The following SLC24A2 variants were observed in gnomAD, a reference collection of about 807,000 sequenced individuals.
SLC24A2 encodes sodium/potassium/calcium exchanger 2.
SLC24A2 carries 36 observed loss-of-function variants against 62.0 expected under a neutral mutation model. The observed-to-expected ratio is 0.58, with a 90% CI of 0.44 to 0.77. The LOEUF (loss-of-function observed/expected upper bound fraction) is 0.77. Among genes scored for constraint, SLC24A2 ranks in the 30% least tolerant of loss-of-function variants. SLC24A2 has a pLI of 0.00. For synonymous variants in SLC24A2, 358 were observed against 294.0 expected, an observed-to-expected ratio of 1.22 and a Z score of -2.23; for missense variants, 846 against 817.9, an observed-to-expected ratio of 1.03 and a Z score of -0.42.
chr9:19,561,325 G>GAGGT (rs1159053671), intron 7 of SLC24A2, among the ~76,000 whole-genome samples: 1 of 147,856 alleles, frequency 6.8e-6, no homozygotes, highest in Admixed American at 6.8e-5. Context: ...AAGTGAAAAA[G>GAGGT]AGGTAAGTTT....
chr9:19,820,642 A>G, the SLC24A2 span, among the ~76,000 whole-genome samples: 228 of 152,054 alleles, frequency 1.5e-3, no homozygotes, highest in Admixed American at 6.0e-3. Context: ...TACATCTGAC[A>G]CAAGGTAATG....
At chr9:20,020,715 T>C in the SLC24A2 span, among the ~76,000 whole-genome samples, 5 of 152,140 alleles carry the variant, frequency 3.3e-5, no homozygotes, top group African/African-American at 1.2e-4. Context: ...GAACTTAAAA[T>C]ATAATAAATA....
the SLC24A2 span, among the ~76,000 whole-genome samples, chr9:19,870,305 CATA>C: frequency 1.3e-5 from 2 of 152,294 alleles, no homozygotes; most frequent in East Asian, 3.9e-4. Flanking sequence ...TTTTACTTAG[CATA>C]ATGTTTTCAA....
chr9:19,940,335 CA>C, the SLC24A2 span, among the ~76,000 whole-genome samples: 17 of 152,288 alleles, frequency 1.1e-4, no homozygotes, highest in African/African-American at 3.8e-4. Flanking sequence ...ACAGAATAGT[CA>C]GGGGGTACTT....
chr9:20,094,587 A>C, the SLC24A2 span, among the ~76,000 whole-genome samples: 1 of 152,358 alleles, frequency 6.6e-6, no homozygotes, highest in Admixed American at 6.5e-5. Flanking sequence ...GTATAGCAAA[A>C]AAGAAAAATC....
chr9:20,165,564 G>T, the SLC24A2 span, among the ~76,000 whole-genome samples: 1 of 151,826 alleles, frequency 6.6e-6, no homozygotes, highest in Non-Finnish European at 1.5e-5. Context: ...AATAAATGGT[G>T]TTAAGACATT....
chr9:19,854,281 GT>G, the SLC24A2 span, among the ~76,000 whole-genome samples: 2 of 151,848 alleles, frequency 1.3e-5, no homozygotes, highest in Admixed American at 6.6e-5. Context: ...TTTTTGAAGG[GT>G]TTTTCATGTC....
chr9:20,195,295 C>T, the SLC24A2 span, among the ~76,000 whole-genome samples: 2 of 151,954 alleles, frequency 1.3e-5, no homozygotes, highest in African/African-American at 4.8e-5. Context: ...TTTCTGTGTC[C>T]CTACACTAGG....
chr9:19,695,897 C>A (rs1820177342), intron 2 of SLC24A2, among the ~76,000 whole-genome samples: 1 of 152,042 alleles, frequency 6.6e-6, no homozygotes, highest in African/African-American at 2.4e-5. Flanking sequence ...AGATACTATA[C>A]AAAGTTAACA....
upstream of SLC24A2, among the ~76,000 whole-genome samples, chr9:19,789,603 C>T (rs914413525): frequency 2.6e-5 from 4 of 152,216 alleles, no homozygotes; most frequent in African/African-American, 9.7e-5. Flanking sequence ...GAATCACTGA[C>T]AGGCTTCGGC....
At chr9:19,648,737 T>A (rs1818712504) in intron 2 of SLC24A2, among the ~76,000 whole-genome samples, 1 of 152,086 alleles carries the variant, frequency 6.6e-6, no homozygotes, top group Non-Finnish European at 1.5e-5. Flanking sequence ...CTTTTAAGAT[T>A]AAGAGGTTAG....
chr9:19,607,493 G>A (rs901003043), intron 4 of SLC24A2, among the ~76,000 whole-genome samples: 16 of 152,258 alleles, frequency 1.1e-4, no homozygotes, highest in African/African-American at 3.1e-4. Flanking sequence ...GCCAAGGCAG[G>A]TGGATAACCT....
At chr9:19,566,052 T>G (rs1008816740) in intron 7 of SLC24A2, among the ~76,000 whole-genome samples, 25 of 152,168 alleles carry the variant, frequency 1.6e-4, no homozygotes, top group African/African-American at 6.0e-4. Flanking sequence ...GACATAGGCA[T>G]GGGCAAGGAC....
the SLC24A2 span, among the ~76,000 whole-genome samples, chr9:20,230,048 A>G: frequency 6.6e-6 from 1 of 152,090 alleles, no homozygotes; most frequent in Admixed American, 6.6e-5. Context: ...CCATGTCCCT[A>G]CAAAGGACAT....
At position 19,640,999 on chromosome 9, in the gene SLC24A2, G is replaced by A. The variant is rs1168337098; in HGVS notation, c.931-18700C>T. Among the ~76,000 whole-genome samples the A allele has an allele frequency of 4.3e-4, 65 of 152,216 alleles. 1 individual carries two copies. The highest frequency in any genetic ancestry group is 4.3e-3 in the Admixed American group (65 of 15,274). On this transcript the variant is annotated intron_variant, in intron 2 of 10. Coordinates refer to ENST00000341998, the MANE Select transcript of SLC24A2 (RefSeq NM_020344.4). ...AGGATTTGATTTAAGTTATACAAGT[G>A]GGCTTTGGTTGCTGTGTAGTTTGGC...
rs12683346 is a variant in SLC24A2 at position 19,560,334 on chromosome 9, A to G, written c.1348-10066T>C. ...CCCCCAATTCATATTCCCAAACTCT[A>G]CTCTCTACACTCCTCTGTATTCAGA... On this transcript the variant is annotated intron_variant, in intron 7 of 10. Coordinates refer to ENST00000341998, the MANE Select transcript of SLC24A2 (RefSeq NM_020344.4). Among the ~76,000 whole-genome samples the G allele has an allele frequency of 7.8e-3, 942 of 121,112 alleles. 29 individuals are homozygous for G. Among genetic ancestry groups the G allele is most frequent in the East Asian group, 0.028 (97 of 3,432 alleles). 79.5% of individuals were successfully genotyped at this position (121,112 alleles called of 152,430 possible).
chr9:19,550,580 C>T lies in SLC24A2; in HGVS notation c.1348-312G>A, dbSNP rs1030744674. ...CAATTCACGAGCTTCTTATAACAAA[C>T]TATATCTGTGGAGGAAAAGACTTGA... On this transcript the variant is annotated intron_variant, in intron 7 of 10. Transcript: ENST00000341998. 2.6e-5 allele frequency among the ~76,000 whole-genome samples: 4 copies of T among 152,304 alleles called. No homozygotes were observed. The East Asian group carries it at 7.7e-4, about 29-fold the overall frequency.
At chr9:20,196,437 A>C in the SLC24A2 span, among the ~76,000 whole-genome samples, 1 of 152,328 alleles carries the variant, frequency 6.6e-6, no homozygotes, top group South Asian at 2.1e-4. Flanking sequence ...GGCCCAACAT[A>C]TGTAATTGAT....
chr9:19,987,905 C>G, the SLC24A2 span, among the ~76,000 whole-genome samples: 1 of 152,182 alleles, frequency 6.6e-6, no homozygotes, highest in Non-Finnish European at 1.5e-5. Flanking sequence ...TGTTACCACT[C>G]CTCATCTTGT....
Sources: gnomAD v4.1 joint callset for allele counts (sites outside exome capture counted in the v4.1 genomes callset) on GRCh38, gnomAD v4.1.1 for gene constraint, MANE v1.5 for transcripts, NCBI Gene and HGNC (gene_info 2026-07-23, HGNC 2026-07-21) for gene names.